Variants in S100PBP observed in about 807,000 individuals in gnomAD.
The protein encoded by S100PBP is S100P binding protein, also known as S100P-binding protein.
A neutral mutation model predicts 39.9 loss-of-function variants in S100PBP; 15 were observed. The observed-to-expected ratio is 0.38, with a 90% CI of 0.25 to 0.58. The LOEUF (loss-of-function observed/expected upper bound fraction) is 0.58, where lower values mean the gene tolerates loss of function less well. Ranked by LOEUF, S100PBP falls within the 20% of genes least tolerant of loss-of-function variation. S100PBP has a pLI of 0.70. For missense variants in S100PBP, 504 were observed against 487.3 expected (o/e 1.03, Z -0.32); for synonymous variants, 178 against 180.3 (o/e 0.99, Z 0.10).
chr1:32,836,652 C>A, intron 5 of S100PBP: 1 of 842,094 alleles, frequency 1.2e-6, no homozygotes, highest in Non-Finnish European at 1.4e-6. Flanking sequence ...TTTCCTAGAG[C>A]CTTCTGTTCT....
rs747090828 is a variant in S100PBP, at chr1:32,826,069, C to A, written c.-2-29C>A. On this transcript the variant is annotated intron_variant, in intron 2 of 6. Transcript: ENST00000373475. ...GTTGGTATAAGGTTATTTTCTCTTC[C>A]TCAGTGAAATTGTCTCTTATTTCTC... The A allele has an allele frequency of 2.7e-6, 4 of 1,507,962 alleles. No individual in the cohort carries two copies. In the South Asian group the frequency reaches 3.8e-5, roughly 14 times the overall value. 93.4% of individuals were successfully genotyped at this position (1,507,962 alleles called of 1,614,324 possible).
chr1:32,846,171 A>G (rs1034796337), intron 5 of S100PBP, among the ~76,000 whole-genome samples: 12 of 149,140 alleles, frequency 8.0e-5, no homozygotes, highest in Admixed American at 8.0e-4. Context: ...GTAGTTTTTT[A>G]GTAGAGATGG....
At chr1:32,818,254 G>A (rs1419177869) in intron 1 of S100PBP, 1 of 152,310 alleles carries the variant, frequency 6.6e-6, no homozygotes, top group Non-Finnish European at 1.5e-5. Flanking sequence ...CGGTGTCCCC[G>A]GGGGAGGGAG....
rs1435180652 is a variant in S100PBP, at chr1:32,825,347, G to A, written c.-85G>A. 1 of 152,198 alleles carries A rather than the reference G, an allele frequency of 6.6e-6. No homozygotes were observed. The highest frequency in any genetic ancestry group is 1.5e-5 in the Non-Finnish European group (1 of 68,044). The allele number at this position is 152,198 out of a possible 1,614,324, so 9.4% of individuals were successfully genotyped here. A position where few individuals can be genotyped will look rare whatever the true frequency, so the allele number is the denominator to read the frequency against. On this transcript the variant is annotated 5_prime_UTR_variant, in exon 2 of 7. Coordinates refer to ENST00000373475, the MANE Select transcript of S100PBP (RefSeq NM_022753.4). Reference sequence around the variant, plus strand: ...AGTCAATCATTTTGACAAGTCTCCTGAAAGGAACAGCTAGCAGGAACTGAA... The same window carrying A: ...AGTCAATCATTTTGACAAGTCTCCTAAAAGGAACAGCTAGCAGGAACTGAA...
Position 32,853,090 on chromosome 1 carries a change from G to A in S100PBP, c.1036G>A (p.Glu346Lys). 1.2e-6 allele frequency: 2 copies of A among 1,612,934 alleles called. No individual in the cohort carries two copies. Among genetic ancestry groups the A allele is most frequent in the South Asian group, 1.1e-5 (1 of 91,026 alleles). Reference sequence around the variant, plus strand: ...CCTCTGTATCACAGGTATCTCGGGGGAGCTTTGTGCCTTGATGGATCAAGT... The same window carrying A: ...CCTCTGTATCACAGGTATCTCGGGGAAGCTTTGTGCCTTGATGGATCAAGT... ...PEDTNQGISG[E>K]LCALMDQVHH... The change falls in exon 6 of 7, where the codon GAG (glutamate) becomes AAG (lysine). Residue 346 changes from glutamate to lysine, a missense_variant. Glu to Lys is a moderately conservative substitution (Grantham distance 56). Coordinates refer to ENST00000373475, the MANE Select transcript of S100PBP (RefSeq NM_022753.4).
chr1:32,826,680 G>T lies in S100PBP; in HGVS notation c.581G>T (p.Cys194Phe). The change falls in exon 3 of 7, where the codon TGT (cysteine) becomes TTT (phenylalanine). Residue 194 changes from cysteine to phenylalanine, a missense_variant. Cys to Phe is a radical substitution (Grantham distance 205). Coordinates refer to ENST00000373475, the MANE Select transcript of S100PBP (RefSeq NM_022753.4). ...DGLSPNESKLCTESEGISPNN... is the reference protein window; with the variant it reads ...DGLSPNESKLFTESEGISPNN... ...CTTAGCCCAAATGAAAGCAAACTTT[G>T]TACTGAATCTGAAGGGATCAGCCCC... is the stretch of plus-strand genomic sequence containing the variant. The T allele has an allele frequency of 1.2e-6, 2 of 1,614,160 alleles. No homozygotes were observed. Among genetic ancestry groups the T allele is most frequent in the Non-Finnish European group, 1.7e-6 (2 of 1,180,028 alleles).
chr1:32,844,346 C>T (rs992492037), intron 5 of S100PBP, among the ~76,000 whole-genome samples: 6 of 152,164 alleles, frequency 3.9e-5, no homozygotes, highest in African/African-American at 1.4e-4. Context: ...CCATTGTGCC[C>T]GAACCTGTTA....
intron 5 of S100PBP, among the ~76,000 whole-genome samples, chr1:32,850,665 CTG>C (rs1640571587): frequency 6.6e-6 from 1 of 152,192 alleles, no homozygotes; most frequent in African/African-American, 2.4e-5. Context: ...AATAAAGAGA[CTG>C]TAGATAAAGG....
chr1:32,821,349 T>C (rs1250898325), intron 1 of S100PBP, among the ~76,000 whole-genome samples: 1 of 152,204 alleles, frequency 6.6e-6, no homozygotes, highest in Admixed American at 6.6e-5. Context: ...TGAGACTGAC[T>C]CTTGCTCTGT....
intron 5 of S100PBP, among the ~76,000 whole-genome samples, chr1:32,841,020 G>GC (rs1640066182): frequency 6.6e-6 from 1 of 151,922 alleles, no homozygotes; most frequent in Admixed American, 6.6e-5. Flanking sequence ...AAGTAGCTGG[G>GC]CATGGTGGCG....
intron 4 of S100PBP, among the ~76,000 whole-genome samples, chr1:32,829,701 C>A (rs1639506110): frequency 6.6e-6 from 1 of 152,186 alleles, no homozygotes; most frequent in Non-Finnish European, 1.5e-5. Context: ...TCAAGCAGTC[C>A]TCCTGCCTGA....
upstream of S100PBP, chr1:32,816,654 C>G (rs1244734364): frequency 6.4e-6 from 1 of 157,474 alleles, no homozygotes; most frequent in African/African-American, 2.4e-5. Context: ...CTCTGGTTCA[C>G]TTCTACTCCT....
At chr1:32,831,503 G>C (rs1639597201) in intron 5 of S100PBP, among the ~76,000 whole-genome samples, 1 of 152,044 alleles carries the variant, frequency 6.6e-6, no homozygotes, top group Non-Finnish European at 1.5e-5. Flanking sequence ...CTTGAATTAT[G>C]TAGTAGTTTT....
intron 5 of S100PBP, among the ~76,000 whole-genome samples, chr1:32,849,133 TTTTC>T (rs761370099): frequency 7.3e-5 from 11 of 151,680 alleles, no homozygotes. Context: ...GATGAGTATC[TTTTC>T]TTTCTTTTTT....
intron 5 of S100PBP, among the ~76,000 whole-genome samples, chr1:32,848,700 C>T (rs1445509329): frequency 6.6e-6 from 1 of 152,178 alleles, no homozygotes; most frequent in Non-Finnish European, 1.5e-5. Context: ...TATCCGTCCT[C>T]CTCCATTATG....
rs1254555333 is a variant in S100PBP at position 32,853,071 on chromosome 1, T to C, written c.1025-8T>C. The C allele has an allele frequency of 1.9e-6, 3 of 1,602,750 alleles. No individual in the cohort carries two copies. The African/African-American group carries it at 4.0e-5, about 21-fold the overall frequency. On this transcript the variant is annotated splice_polypyrimidine_tract_variant and splice_region_variant and intron_variant, in intron 5 of 6. Coordinates refer to ENST00000373475, the MANE Select transcript of S100PBP (RefSeq NM_022753.4). Reference sequence around the variant, plus strand: ...CTGTTCCTAACCACTGATCCCTCTGTATCACAGGTATCTCGGGGGAGCTTT... The same window carrying C: ...CTGTTCCTAACCACTGATCCCTCTGCATCACAGGTATCTCGGGGGAGCTTT...
chr1:32,847,115 A>G (rs1371622233), intron 5 of S100PBP, among the ~76,000 whole-genome samples: 2 of 152,158 alleles, frequency 1.3e-5, no homozygotes, highest in Non-Finnish European at 2.9e-5. Flanking sequence ...CATCATCTAA[A>G]TAGGAAAAAT....
intron 5 of S100PBP, among the ~76,000 whole-genome samples, chr1:32,852,323 A>G (rs1296916607): frequency 6.6e-6 from 1 of 152,162 alleles, no homozygotes; most frequent in African/African-American, 2.4e-5. Flanking sequence ...AAAAAAAAAA[A>G]AAGTATTTCA....
intron 5 of S100PBP, among the ~76,000 whole-genome samples, chr1:32,831,568 C>T (rs1639600856): frequency 6.6e-6 from 1 of 151,808 alleles, no homozygotes; most frequent in African/African-American, 2.4e-5. Flanking sequence ...ATTTTTTATC[C>T]CGTATCCTTT....
Sources: gnomAD v4.1 joint callset for allele counts (sites outside exome capture counted in the v4.1 genomes callset) on GRCh38, gnomAD v4.1.1 for gene constraint, MANE v1.5 for transcripts, NCBI Gene and HGNC (gene_info 2026-07-23, HGNC 2026-07-21) for gene names.